PDE4B: variants seen among roughly 807,000 people sequenced by gnomAD.
The protein encoded by PDE4B is 3',5'-cyclic-AMP phosphodiesterase 4B.
A neutral mutation model predicts 82.2 loss-of-function variants in PDE4B; 20 were observed. The ratio of observed to expected loss-of-function variants is 0.24; its 90% confidence interval spans 0.17 to 0.35. The LOEUF is 0.35. Ranked by LOEUF, PDE4B falls within the 10% of genes least tolerant of loss-of-function variation. The pLI is 1.00. For missense variants in PDE4B, 655 were observed against 907.2 expected (o/e 0.72, Z 3.57); for synonymous variants, 320 against 318.9 (o/e 1.00, Z -0.04).
intron 3 of PDE4B, among the ~76,000 whole-genome samples, chr1:66,228,107 G>T (rs1272000998): frequency 6.6e-6 from 1 of 152,194 alleles, no homozygotes; most frequent in Non-Finnish European, 1.5e-5. Flanking sequence ...TGCACTTGCT[G>T]TTTCCTTAGC....
At chr1:66,131,625 A>ATATATATATATATATATC (rs1645951502) in intron 3 of PDE4B, among the ~76,000 whole-genome samples, 2 of 111,338 alleles carry the variant, frequency 1.8e-5, no homozygotes, top group Non-Finnish European at 1.8e-5. Flanking sequence ...ATATATATAT[A>ATATATATATATATATATC]TATATATATA....
At chr1:66,281,424 G>A (rs1656292526) in intron 7 of PDE4B, among the ~76,000 whole-genome samples, 2 of 152,216 alleles carry the variant, frequency 1.3e-5, no homozygotes, top group Admixed American at 1.3e-4. Context: ...ACCCACTAGA[G>A]ATCTGGAAGA....
At position 65,889,653 on chromosome 1, in the gene PDE4B, A is replaced by G. The variant is rs1228816979; in HGVS notation, c.-70-23592A>G. ...TTAATGAGGTGCCAAATAACTCAACATCTGTCTGAGAGTTGGTCATGGCAT... is the reference window on the plus strand; with the variant it reads ...TTAATGAGGTGCCAAATAACTCAACGTCTGTCTGAGAGTTGGTCATGGCAT... On this transcript the variant is annotated intron_variant, in intron 1 of 16. Coordinates refer to ENST00000341517, the MANE Select transcript of PDE4B (RefSeq NM_002600.4). Among the ~76,000 whole-genome samples the G allele has an allele frequency of 5.3e-5, 8 of 152,282 alleles. No individual in the cohort carries two copies. The South Asian group carries it at 6.2e-4, about 12-fold the overall frequency.
At chr1:65,990,433 T>G (rs1388550998) in intron 3 of PDE4B, among the ~76,000 whole-genome samples, 1 of 152,196 alleles carries the variant, frequency 6.6e-6, no homozygotes, top group Non-Finnish European at 1.5e-5. Context: ...GGGTTTTTTT[T>G]GCCAATACAT....
intron 3 of PDE4B, among the ~76,000 whole-genome samples, chr1:65,926,580 A>G (rs981209787): frequency 3.3e-5 from 5 of 152,196 alleles, no homozygotes; most frequent in Non-Finnish European, 7.4e-5. Context: ...TTTATGTAGT[A>G]GATATTAGTG....
intron 3 of PDE4B, among the ~76,000 whole-genome samples, chr1:66,133,548 A>G (rs1645995163): frequency 6.6e-6 from 1 of 152,222 alleles, no homozygotes; most frequent in Non-Finnish European, 1.5e-5. Flanking sequence ...ACTGCAAAGT[A>G]TGAATATAGG....
intron 9 of PDE4B, among the ~76,000 whole-genome samples, chr1:66,361,288 A>C (rs1341868682): frequency 1.3e-5 from 2 of 152,050 alleles, no homozygotes; most frequent in Non-Finnish European, 1.5e-5. Context: ...CTCCTTATAC[A>C]CTCCTTATAT....
intron 3 of PDE4B, among the ~76,000 whole-genome samples, chr1:65,946,530 A>G (rs1393962505): frequency 6.6e-6 from 1 of 151,990 alleles, no homozygotes; most frequent in Non-Finnish European, 1.5e-5. Flanking sequence ...AGTTCTGGTC[A>G]CGTGGTCACT....
chr1:66,064,722 C>T (rs962499272), intron 3 of PDE4B, among the ~76,000 whole-genome samples: 10 of 151,932 alleles, frequency 6.6e-5, no homozygotes, highest in African/African-American at 2.4e-4. Flanking sequence ...TTGGACACTG[C>T]ACTTTGCTTT....
intron 8 of PDE4B, among the ~76,000 whole-genome samples, chr1:66,344,679 T>A (rs1353732636): frequency 6.6e-6 from 1 of 152,172 alleles, no homozygotes; most frequent in Non-Finnish European, 1.5e-5. Flanking sequence ...AAAAGTTAAA[T>A]ACATTGGGTT....
intron 4 of PDE4B, among the ~76,000 whole-genome samples, chr1:66,255,680 T>G (rs1368762251): frequency 1.3e-5 from 2 of 152,224 alleles, no homozygotes; most frequent in African/African-American, 2.4e-5. Flanking sequence ...ACTTTCCTAC[T>G]TTCTCTAACC....
chr1:66,006,824 T>C (rs1296413860), intron 3 of PDE4B, among the ~76,000 whole-genome samples: 1 of 152,130 alleles, frequency 6.6e-6, no homozygotes, highest in East Asian at 1.9e-4. Context: ...TCTGCCATGA[T>C]TGTAAGTTTC....
intron 3 of PDE4B, among the ~76,000 whole-genome samples, chr1:65,989,579 A>T (rs1430470577): frequency 1.3e-5 from 2 of 152,180 alleles, no homozygotes; most frequent in Non-Finnish European, 2.9e-5. Context: ...AATAATTCTC[A>T]AGTATCTGTA....
At chr1:65,900,401 C>CA (rs901587875) in intron 1 of PDE4B, among the ~76,000 whole-genome samples, 2 of 151,932 alleles carry the variant, frequency 1.3e-5, no homozygotes, top group African/African-American at 4.8e-5. Flanking sequence ...ATGATACCTC[C>CA]AGCTTTGTTC....
intron 6 of PDE4B, among the ~76,000 whole-genome samples, chr1:66,261,590 A>G (rs1024968813): frequency 1.3e-5 from 2 of 152,160 alleles, no homozygotes; most frequent in African/African-American, 2.4e-5. Flanking sequence ...TCCCACATAG[A>G]ACTATACTTC....
At chr1:66,005,880 A>T (rs919330014) in intron 3 of PDE4B, among the ~76,000 whole-genome samples, 2 of 152,168 alleles carry the variant, frequency 1.3e-5, no homozygotes, top group East Asian at 3.9e-4. Flanking sequence ...CACGGAGCAC[A>T]TATGCATTCA....
chr1:66,295,109 C>G (rs1247783746), intron 7 of PDE4B, among the ~76,000 whole-genome samples: 1 of 152,118 alleles, frequency 6.6e-6, no homozygotes, highest in Non-Finnish European at 1.5e-5. Context: ...AGAAGTAGAT[C>G]AGGGACTTCG....
intron 3 of PDE4B, among the ~76,000 whole-genome samples, chr1:65,940,621 A>G (rs1257690009): frequency 6.6e-6 from 1 of 152,086 alleles, no homozygotes; most frequent in Non-Finnish European, 1.5e-5. Context: ...AGGGCTTACT[A>G]TGAGATGCAG....
intron 3 of PDE4B, among the ~76,000 whole-genome samples, chr1:66,012,406 G>T (rs1447365870): frequency 1.3e-5 from 2 of 152,126 alleles, no homozygotes; most frequent in Non-Finnish European, 2.9e-5. Context: ...TAGTTTGATA[G>T]AGCAGATACT....
Sources: gnomAD v4.1 joint callset for allele counts (sites outside exome capture counted in the v4.1 genomes callset) on GRCh38, gnomAD v4.1.1 for gene constraint, MANE v1.5 for transcripts, NCBI Gene and HGNC (gene_info 2026-07-23, HGNC 2026-07-21) for gene names.